The following FAM107A variants were observed in gnomAD, a reference collection of about 807,000 sequenced individuals.
The protein encoded by FAM107A is family with sequence similarity 107 member A.
Under a neutral mutation model 13.7 loss-of-function variants are expected in FAM107A, and 19 were observed. The ratio of observed to expected loss-of-function variants is 1.38; its 90% CI spans 0.97 to 2.03. The LOEUF is 2.03. Among genes scored for constraint, FAM107A ranks in the 30% most tolerant of loss-of-function variants. The pLI is 0.00. For missense variants in FAM107A, 203 were observed against 184.4 expected (o/e 1.10, Z -0.58); for synonymous variants, 82 against 74.5 (o/e 1.10, Z -0.52).
intron 2 of FAM107A, among the ~76,000 whole-genome samples, chr3:58,568,319 C>T (rs986902302): frequency 1.3e-5 from 2 of 151,908 alleles, no homozygotes; most frequent in Non-Finnish European, 2.9e-5. Context: ...CCTGTAGTCC[C>T]TGCTACTTGG....
chr3:58,573,958 A>C (rs1468984803), intron 1 of FAM107A, among the ~76,000 whole-genome samples: 1 of 152,174 alleles, frequency 6.6e-6, no homozygotes, highest in Admixed American at 6.5e-5. Context: ...TCCTCCATGA[A>C]CTTGTGATAT....
chr3:58,585,123 C>A (rs1362945064), intron 1 of FAM107A, among the ~76,000 whole-genome samples: 1 of 152,144 alleles, frequency 6.6e-6, no homozygotes, highest in African/African-American at 2.4e-5. Context: ...GGCTCCTTAC[C>A]CGCAGGCGTG....
chr3:58,574,017 A>G (rs1220597658), intron 1 of FAM107A, among the ~76,000 whole-genome samples: 3 of 152,186 alleles, frequency 2.0e-5, no homozygotes, highest in Non-Finnish European at 4.4e-5. Flanking sequence ...CCTCGTACAG[A>G]GTTGAGCGCT....
upstream of FAM107A, among the ~76,000 whole-genome samples, chr3:58,582,477 G>A (rs549835291): frequency 3.3e-5 from 5 of 152,054 alleles, no homozygotes; most frequent in Admixed American, 6.5e-5. Context: ...GCAGGTTAAC[G>A]CCCCTCAAGT....
chr3:58,609,716 G>A (rs79563940), intron 1 of FAM107A, among the ~76,000 whole-genome samples: 1 of 152,168 alleles, frequency 6.6e-6, no homozygotes, highest in Admixed American at 6.5e-5. Context: ...GGGGGTCGTG[G>A]AGGAGGGAAA....
intron 1 of FAM107A, chr3:58,627,101 G>T (rs2106651544): frequency 9.0e-7 from 1 of 1,116,088 alleles, no homozygotes; most frequent in South Asian, 1.3e-5. Context: ...CCGGGGCGAG[G>T]GCCCCCTGTC....
rs1476035416 is a variant in FAM107A at position 58,577,129 on chromosome 3, T to C, written c.-6+180A>G. 6.6e-6 allele frequency among the ~76,000 whole-genome samples: 1 copy of C among 152,240 alleles called. No homozygotes were observed. Among genetic ancestry groups the C allele is most frequent in the African/African-American group, 2.4e-5 (1 of 41,458 alleles). On this transcript the variant is annotated intron_variant, in intron 1 of 3. Transcript: ENST00000360997. This position sits in a 1 kb window ranked among gnomAD's most constrained non-coding sequence, Gnocchi z 4.9. ...ACCCTTTTCCGAAACCCAGGGTGCC[T>C]GGAGGCATCTCCCGTATCATTTTAT...
chr3:58,566,544 T>C lies in FAM107A; in HGVS notation c.*44A>G. Reference sequence around the variant, plus strand: ...CAGGTACAGAAGGGCTGAAGGAGGCTGTCCAGGCCAGGGTGGGCAGTGGCC... The same window carrying C: ...CAGGTACAGAAGGGCTGAAGGAGGCCGTCCAGGCCAGGGTGGGCAGTGGCC... On this transcript the variant is annotated 3_prime_UTR_variant, in exon 4 of 4. Coordinates refer to ENST00000360997, the MANE Select transcript of FAM107A (RefSeq NM_001076778.3). 1 of 1,430,612 alleles carries C rather than the reference T, an allele frequency of 7.0e-7. No individual in the cohort carries two copies. Among genetic ancestry groups the C allele is most frequent in the Non-Finnish European group, 9.8e-7 (1 of 1,015,526 alleles). 88.6% of individuals were successfully genotyped at this position (1,430,612 alleles called of 1,614,324 possible).
intron 1 of FAM107A, among the ~76,000 whole-genome samples, chr3:58,625,271 C>A (rs1466065919): frequency 3.3e-5 from 5 of 152,154 alleles, no homozygotes; most frequent in Non-Finnish European, 5.9e-5. Context: ...CCCTTGATAA[C>A]CTCCGTTATC....
At chr3:58,577,543 G>A (rs1217345590), upstream of FAM107A, 3 of 985,336 alleles carry the variant, frequency 3.0e-6, no homozygotes, top group Non-Finnish European at 1.2e-6. The surrounding 1 kb of genome is among the most constrained non-coding windows in gnomAD (Gnocchi z 4.9). Context: ...CTTGGTGCAC[G>A]GCCACTTCCA....
chr3:58,613,647 G>C lies in FAM107A; in HGVS notation c.-70+13769C>G, dbSNP rs1325622789. ...GCTTCTTCCTTCAGGACTCTGCTTA[G>C]ATGGCACCTCCTCCAGGAAGCCTTC... On this transcript the variant is annotated intron_variant, in intron 1 of 3. Coordinates refer to the FAM107A transcript ENST00000465970. This position sits in a 1 kb window ranked among gnomAD's most constrained non-coding sequence, Gnocchi z 4.6. Among the ~76,000 whole-genome samples, 1 of 152,136 alleles carries C rather than the reference G, an allele frequency of 6.6e-6. No homozygotes were observed. The highest frequency in any genetic ancestry group is 1.9e-4 in the East Asian group (1 of 5,192).
At chr3:58,623,665 T>C (rs1369545389) in intron 1 of FAM107A, among the ~76,000 whole-genome samples, 1 of 151,956 alleles carries the variant, frequency 6.6e-6, no homozygotes, top group Non-Finnish European at 1.5e-5. Context: ...GGCAGTGGGG[T>C]TTGCTGTTTG....
chr3:58,616,837 G>T (rs545355376), intron 1 of FAM107A, among the ~76,000 whole-genome samples: 7 of 152,010 alleles, frequency 4.6e-5, no homozygotes, highest in African/African-American at 1.4e-4. Context: ...GCAGTGGCAC[G>T]ATCTCGGCTC....
intron 1 of FAM107A, among the ~76,000 whole-genome samples, chr3:58,621,877 C>G (rs1215521322): frequency 6.6e-6 from 1 of 152,212 alleles, no homozygotes; most frequent in Non-Finnish European, 1.5e-5. Flanking sequence ...GCAACACTAG[C>G]CCTGCCACTT....
rs145248833 is a variant in FAM107A, at chr3:58,605,387, G to A, written c.-69-16118C>T. 3.3e-4 allele frequency among the ~76,000 whole-genome samples: 50 copies of A among 152,266 alleles called. 1 individual carries two copies. The highest frequency in any genetic ancestry group is 1.1e-3 in the African/African-American group (46 of 41,554). ...AGATTTTGGGGCTCCCTATCTATGC[G>A]GCTCCCTCCTCTCCAGTGCCCTGTC... On this transcript the variant is annotated intron_variant, in intron 1 of 3. Coordinates refer to the FAM107A transcript ENST00000465970.
chr3:58,595,282 A>C (rs927788246), intron 1 of FAM107A, among the ~76,000 whole-genome samples: 1 of 152,128 alleles, frequency 6.6e-6, no homozygotes, highest in African/African-American at 2.4e-5. Flanking sequence ...CAGGCCTCTG[A>C]TCCCAAGCTA....
Position 58,613,793 on chromosome 3 carries a change from C to T in FAM107A, c.-70+13623G>A, listed in dbSNP as rs1308324902. Among the ~76,000 whole-genome samples the T allele has an allele frequency of 3.9e-5, 6 of 152,194 alleles. No individual in the cohort carries two copies. The highest frequency in any genetic ancestry group is 7.3e-5 in the Non-Finnish European group (5 of 68,032). On this transcript the variant is annotated intron_variant, in intron 1 of 3. Transcript: ENST00000465970. The surrounding 1 kb of genome is among the most constrained non-coding windows in gnomAD (Gnocchi z 4.6). ...TTACCACAGCTGCCAAGTCCTTGCC[C>T]TGGGATGGTGGAGACTGATGGGCAG...
At chr3:58,615,935 G>A (rs558883495) in intron 1 of FAM107A, among the ~76,000 whole-genome samples, 1 of 148,818 alleles carries the variant, frequency 6.7e-6, no homozygotes, top group East Asian at 2.0e-4. Flanking sequence ...ACTTGTCTCT[G>A]AGCTGAAACC....
upstream of FAM107A, among the ~76,000 whole-genome samples, chr3:58,580,411 ATTTT>A (rs35805159): frequency 1.1e-5 from 1 of 89,028 alleles, no homozygotes. Context: ...AGGAATCTGG[ATTTT>A]TTTTTTTTTT....
Sources: allele counts gnomAD v4.1 joint callset (sites outside exome capture counted in the v4.1 genomes callset), GRCh38; gene constraint gnomAD v4.1.1; non-coding constraint Gnocchi (gnomAD v3.1); transcripts MANE v1.5; gene names NCBI Gene and HGNC (gene_info 2026-07-23, HGNC 2026-07-21).